KLF12: variants seen among roughly 807,000 people sequenced by gnomAD.
The protein encoded by KLF12 is Krueppel-like factor 12.
KLF12 carries 9 observed loss-of-function variants against 37.8 expected under a neutral mutation model. That is an observed-to-expected ratio of 0.24 (90% CI 0.14 to 0.42). The LOEUF is 0.42. Ranked by LOEUF, KLF12 falls within the 10% of genes least tolerant of loss-of-function variation. The probability of loss-of-function intolerance (pLI) is 1.00; values close to 1 mark genes in which losing one functional copy is unlikely to be tolerated. For synonymous variants in KLF12, 208 were observed against 202.1 expected (o/e 1.03, Z -0.25); for missense variants, 411 against 516.0 (o/e 0.80, Z 1.97).
the KLF12 span, among the ~76,000 whole-genome samples, chr13:74,151,652 C>CAATAAATAAATA: frequency 9.2e-3 from 1,306 of 142,474 alleles, 16 homozygotes; most frequent in African/African-American, 0.03. Flanking sequence ...GACCCCATCT[C>CAATAAATAAATA]AATAAATAAA....
At chr13:74,012,529 T>C (rs989270678) in intron 1 of KLF12, among the ~76,000 whole-genome samples, 2 of 152,216 alleles carry the variant, frequency 1.3e-5, no homozygotes, top group Non-Finnish European at 2.9e-5. Flanking sequence ...TATACATGAT[T>C]AAAATGAGCA....
the KLF12 span, among the ~76,000 whole-genome samples, chr13:74,251,378 T>G: frequency 6.6e-6 from 1 of 152,102 alleles, no homozygotes; most frequent in African/African-American, 2.4e-5. Context: ...ACTCCTGACC[T>G]CAAGTGATCC....
At chr13:74,192,704 A>C in the KLF12 span, among the ~76,000 whole-genome samples, 1 of 152,244 alleles carries the variant, frequency 6.6e-6, no homozygotes. Flanking sequence ...GATGTCTTAC[A>C]TTAAAGAGGA....
chr13:73,922,426 A>C (rs142106955), intron 3 of KLF12, among the ~76,000 whole-genome samples: 1 of 152,344 alleles, frequency 6.6e-6, no homozygotes, highest in South Asian at 2.1e-4. Context: ...GCACAGCCAA[A>C]GAGAAATTAG....
At chr13:74,237,749 T>TTGC in the KLF12 span, among the ~76,000 whole-genome samples, 1 of 152,184 alleles carries the variant, frequency 6.6e-6, no homozygotes, top group African/African-American at 2.4e-5. Context: ...TGTTTGTCTG[T>TTGC]TGGTGTATAA....
Position 74,065,921 on chromosome 13 carries a change from A to G in KLF12, c.-32+67818T>C, listed in dbSNP as rs552468355. ...TGAAGAAGGGGAGCAAGCAGTAGAC[A>G]GAGATGGAGAAGACTCTTCAGGGTA... On this transcript the variant is annotated intron_variant, in intron 1 of 7. Coordinates refer to ENST00000377669, the MANE Select transcript of KLF12 (RefSeq NM_007249.5). Among the ~76,000 whole-genome samples the G allele has an allele frequency of 1.6e-4, 24 of 152,152 alleles. No individual in the cohort carries two copies. The South Asian group carries it at 5.0e-3, about 32-fold the overall frequency.
intron 3 of KLF12, among the ~76,000 whole-genome samples, chr13:73,890,218 A>G (rs886138209): frequency 2.6e-5 from 4 of 152,116 alleles, no homozygotes; most frequent in African/African-American, 9.7e-5. Flanking sequence ...ATAAATATCA[A>G]GGAGCATGGA....
chr13:74,010,797 A>T (rs1253233137), intron 1 of KLF12, among the ~76,000 whole-genome samples: 1 of 152,228 alleles, frequency 6.6e-6, no homozygotes, highest in Non-Finnish European at 1.5e-5. Context: ...TAGTTAATAA[A>T]TACAACCAGA....
the KLF12 span, among the ~76,000 whole-genome samples, chr13:74,139,574 AT>A: frequency 2.6e-5 from 4 of 152,206 alleles, no homozygotes; most frequent in African/African-American, 7.2e-5. Flanking sequence ...AAGTTTTTAT[AT>A]AAATATAATA....
chr13:73,780,342 G>A (rs1460351452), intron 5 of KLF12, among the ~76,000 whole-genome samples: 1 of 152,098 alleles, frequency 6.6e-6, no homozygotes, highest in Non-Finnish European at 1.5e-5. Context: ...CCTGTCACCT[G>A]AGCAGCGTAC....
intron 6 of KLF12, among the ~76,000 whole-genome samples, chr13:73,734,083 C>A (rs1877264847): frequency 6.6e-6 from 1 of 152,196 alleles, no homozygotes; most frequent in African/African-American, 2.4e-5. Flanking sequence ...TCAGTGCCTT[C>A]ACTCTTGCTA....
the KLF12 span, among the ~76,000 whole-genome samples, chr13:74,281,001 A>T: frequency 1.3e-5 from 2 of 152,036 alleles, no homozygotes; most frequent in African/African-American, 2.4e-5. Context: ...AACTATTTGT[A>T]ATCCATTACT....
chr13:73,901,250 G>A (rs9530256), intron 3 of KLF12, among the ~76,000 whole-genome samples: 1,543 of 152,104 alleles, frequency 0.01, 15 homozygotes, highest in Non-Finnish European at 0.017. Flanking sequence ...TTCAAAGCTG[G>A]GCTAAACAAA....
At chr13:73,759,133 A>G (rs1209572095) in intron 6 of KLF12, among the ~76,000 whole-genome samples, 2 of 152,138 alleles carry the variant, frequency 1.3e-5, no homozygotes, top group South Asian at 2.1e-4. Context: ...CAGGTTAACG[A>G]TGACATCAAC....
intron 2 of KLF12, among the ~76,000 whole-genome samples, chr13:73,954,848 C>G (rs1729111910): frequency 6.6e-6 from 1 of 152,208 alleles, no homozygotes; most frequent in South Asian, 2.1e-4. Flanking sequence ...AATTACTGTA[C>G]TAATTTGACA....
At chr13:73,703,747 G>T (rs1183385937) in intron 7 of KLF12, among the ~76,000 whole-genome samples, 1 of 152,108 alleles carries the variant, frequency 6.6e-6, no homozygotes, top group Non-Finnish European at 1.5e-5. Flanking sequence ...ACTTCACCCA[G>T]TGTCGTCACC....
intron 3 of KLF12, among the ~76,000 whole-genome samples, chr13:73,916,235 A>ACACG (rs1555324819): frequency 1.2e-4 from 4 of 33,410 alleles, no homozygotes; most frequent in Non-Finnish European, 2.3e-4. Flanking sequence ...ACACACACAC[A>ACACG]CACACGCACA....
intron 3 of KLF12, among the ~76,000 whole-genome samples, chr13:73,853,147 G>A (rs750381797): frequency 2.6e-5 from 4 of 152,116 alleles, no homozygotes; most frequent in Admixed American, 6.5e-5. Flanking sequence ...GATTACAGGC[G>A]TGAGCCTACA....
intron 6 of KLF12, among the ~76,000 whole-genome samples, chr13:73,726,432 G>C (rs1449132967): frequency 1.3e-5 from 2 of 152,108 alleles, no homozygotes; most frequent in Non-Finnish European, 2.9e-5. Flanking sequence ...ATACTCATTA[G>C]CATCCATTCT....
Sources: gnomAD v4.1 joint callset for allele counts (sites outside exome capture counted in the v4.1 genomes callset) on GRCh38, gnomAD v4.1.1 for gene constraint, MANE v1.5 for transcripts, NCBI Gene and HGNC (gene_info 2026-07-23, HGNC 2026-07-21) for gene names.